The following TRIM9 variants were observed in gnomAD, a reference collection of about 807,000 sequenced individuals.
TRIM9 encodes the protein tripartite motif containing 9, also known as E3 ubiquitin-protein ligase TRIM9.
In TRIM9, 26 loss-of-function variants were observed where a neutral mutation model predicts 78.3. That is an observed-to-expected ratio of 0.33 (90% confidence interval 0.24 to 0.46). TRIM9 has a LOEUF of 0.46. Ranked by LOEUF, TRIM9 falls within the 20% of genes least tolerant of loss-of-function variation. TRIM9 has a pLI of 1.00. For missense variants in TRIM9, 787 were observed against 1,036.4 expected (o/e 0.76, Z 3.30); for synonymous variants, 398 against 416.5 (o/e 0.96, Z 0.54).
At chr14:51,028,865 A>G (rs769504722) in intron 1 of TRIM9, among the ~76,000 whole-genome samples, 10 of 152,106 alleles carry the variant, frequency 6.6e-5, no homozygotes, top group Non-Finnish European at 1.5e-4. Context: ...AAGGAGAGAA[A>G]CAAAGAACTC....
intron 1 of TRIM9, among the ~76,000 whole-genome samples, chr14:51,039,755 C>CTT (rs34171875): frequency 1.3e-3 from 192 of 147,904 alleles, no homozygotes; most frequent in Non-Finnish European, 1.8e-3. Context: ...TTTAAATAAA[C>CTT]TTTTTTTTTT....
At chr14:51,071,947 T>A (rs1173670011) in intron 1 of TRIM9, among the ~76,000 whole-genome samples, 1 of 152,204 alleles carries the variant, frequency 6.6e-6, no homozygotes, top group Admixed American at 6.5e-5. Flanking sequence ...TGCTACGCAT[T>A]TGCCAATCCC....
At chr14:51,002,766 C>A (rs1485311048) in intron 5 of TRIM9, among the ~76,000 whole-genome samples, 3 of 152,148 alleles carry the variant, frequency 2.0e-5, no homozygotes, top group African/African-American at 4.8e-5. Context: ...GAAGGTGAAG[C>A]CGGTCAATTG....
intron 11 of TRIM9, 36 bp downstream of exon 11, chr14:50,981,764 A>C (rs1300943512): frequency 1.2e-6 from 2 of 1,611,100 alleles, no homozygotes; most frequent in East Asian, 2.2e-5. Context: ...TCAGAAGCCA[A>C]CGTGAAGAAG....
At chr14:51,093,515 CTG>C in intron 1 of TRIM9, among the ~76,000 whole-genome samples, 1 of 152,364 alleles carries the variant, frequency 6.6e-6, no homozygotes, top group Non-Finnish European at 1.5e-5. Context: ...CCTCTCCGCT[CTG>C]TCTTTTGAGC....
intron 7 of TRIM9, among the ~76,000 whole-genome samples, chr14:50,990,971 AT>A (rs2053430866): frequency 6.6e-6 from 1 of 152,242 alleles, no homozygotes; most frequent in Admixed American, 6.5e-5. Flanking sequence ...ATAATTTATA[AT>A]AAAAGGTGGT....
intron 11 of TRIM9, among the ~76,000 whole-genome samples, chr14:50,981,328 G>T (rs776221330): frequency 1.3e-5 from 2 of 152,138 alleles, no homozygotes; most frequent in Non-Finnish European, 2.9e-5. Context: ...AAGAAGAATG[G>T]CTACTATTTT....
intron 1 of TRIM9, among the ~76,000 whole-genome samples, chr14:51,049,702 T>C (rs2060238450): frequency 6.6e-6 from 1 of 151,686 alleles, no homozygotes; most frequent in South Asian, 2.1e-4. Flanking sequence ...GGTGGGTGCC[T>C]GTAATTCTAG....
At chr14:51,043,853 G>GT (rs1487813799) in intron 1 of TRIM9, among the ~76,000 whole-genome samples, 1 of 152,132 alleles carries the variant, frequency 6.6e-6, no homozygotes, top group Non-Finnish European at 1.5e-5. Context: ...TTTTAATGCA[G>GT]TATAGAAAGC....
chr14:51,076,082 C>G lies in TRIM9; in HGVS notation c.822+18036G>C, dbSNP rs560747475. ...TTAAATACCTGCAAATGCTGGGCAA[C>G]TTTTCAAAGACAATCTCATTGATCC... On this transcript the variant is annotated intron_variant, in intron 1 of 12. Transcript: ENST00000684578. 2.0e-5 allele frequency among the ~76,000 whole-genome samples: 3 copies of G among 152,196 alleles called. No homozygotes were observed. The South Asian group carries it at 6.2e-4, about 32-fold the overall frequency.
At chr14:51,027,243 A>G (rs2356733) in intron 1 of TRIM9, among the ~76,000 whole-genome samples, 103,628 of 149,298 alleles carry the variant, frequency 0.69, 36,069 homozygotes, top group South Asian at 0.77. Context: ...TCCCAGGTTC[A>G]AGCGATTCTC....
At chr14:50,977,474 G>A in intron 12 of TRIM9, 121 bp from the exon 13 acceptor site, 1 of 653,052 alleles carries the variant, frequency 1.5e-6, no homozygotes, top group Non-Finnish European at 2.2e-6. Context: ...TAAACATCTA[G>A]GCTAGCAGGC....
intron 1 of TRIM9, among the ~76,000 whole-genome samples, chr14:51,068,376 A>T (rs950957594): frequency 1.3e-5 from 2 of 152,224 alleles, no homozygotes; most frequent in African/African-American, 4.8e-5. Context: ...AAATCAATAT[A>T]TGTGAAGTGT....
chr14:51,035,352 A>G (rs4516135), intron 1 of TRIM9, among the ~76,000 whole-genome samples: 98,606 of 152,080 alleles, frequency 0.65, 33,470 homozygotes, highest in South Asian at 0.8. Flanking sequence ...AACTTGAGGG[A>G]TGAATAAGAA....
At chr14:51,087,661 G>C (rs2063892002) in intron 1 of TRIM9, among the ~76,000 whole-genome samples, 1 of 152,110 alleles carries the variant, frequency 6.6e-6, no homozygotes, top group Admixed American at 6.5e-5. Context: ...GTTAAAAATT[G>C]ACCCAAAATG....
chr14:51,017,803 G>C (rs73288860), intron 3 of TRIM9, among the ~76,000 whole-genome samples: 101 of 152,326 alleles, frequency 6.6e-4, no homozygotes, highest in African/African-American at 2.0e-3. Flanking sequence ...GCCAAAGTGA[G>C]TGGGGGGGCT....
At chr14:50,981,234 A>G (rs1449767528) in intron 11 of TRIM9, among the ~76,000 whole-genome samples, 2 of 152,212 alleles carry the variant, frequency 1.3e-5, no homozygotes, top group Non-Finnish European at 2.9e-5. Flanking sequence ...GCTGCTCTGG[A>G]TTAATACAGT....
chr14:51,013,255 C>T (rs572422454), intron 3 of TRIM9, among the ~76,000 whole-genome samples: 7 of 143,632 alleles, frequency 4.9e-5, no homozygotes, highest in Admixed American at 3.5e-4. Context: ...ATGTGGATAT[C>T]CAATTTTCCC....
chr14:50,994,359 A>G lies in TRIM9; in HGVS notation c.1603+3691T>C, dbSNP rs2053925432. Among the ~76,000 whole-genome samples, 3 of 152,346 alleles carry G rather than the reference A, an allele frequency of 2.0e-5. No homozygotes were observed. In the South Asian group the frequency reaches 6.2e-4, roughly 32 times the overall value. On this transcript the variant is annotated intron_variant, in intron 7 of 12. Coordinates refer to ENST00000684578, the MANE Select transcript of TRIM9 (RefSeq NM_001387360.1). ...GTGTAGGAGGCTGCAGTGAGCTATGATTGTGCCACTGCACTGCAGCCTGGG... is the reference window on the plus strand; with the variant it reads ...GTGTAGGAGGCTGCAGTGAGCTATGGTTGTGCCACTGCACTGCAGCCTGGG...
Sources: gnomAD v4.1 joint callset for allele counts (sites outside exome capture counted in the v4.1 genomes callset) on GRCh38, gnomAD v4.1.1 for gene constraint, MANE v1.5 for transcripts, NCBI Gene and HGNC (gene_info 2026-07-23, HGNC 2026-07-21) for gene names.